Variants in UBA6 observed in about 807,000 individuals in gnomAD.
UBA6 encodes the protein ubiquitin like modifier activating enzyme 6.
A neutral mutation model predicts 148.3 loss-of-function variants in UBA6; 87 were observed. The observed-to-expected ratio is 0.59, with a 90% CI of 0.49 to 0.70. UBA6 has a LOEUF of 0.70. Among genes scored for constraint, UBA6 ranks in the 30% least tolerant of loss-of-function variants. The pLI is 0.00. For synonymous variants in UBA6, 376 were observed against 401.0 expected, an observed-to-expected ratio of 0.94 and a Z score of 0.75; for missense variants, 1,186 against 1,241.2, an observed-to-expected ratio of 0.96 and a Z score of 0.67.
At chr4:67,646,850 A>C (rs1303064933) in intron 14 of UBA6, 59 bp from the exon 15 acceptor site, 1 of 1,095,018 alleles carries the variant, frequency 9.1e-7, no homozygotes, top group African/African-American at 1.7e-5. Flanking sequence ...CTATAAAAAG[A>C]AGCTCCTTTA....
chr4:67,694,141 A>G (rs1207991516), intron 2 of UBA6, among the ~76,000 whole-genome samples: 1 of 138,054 alleles, frequency 7.2e-6, no homozygotes, highest in Non-Finnish European at 1.5e-5. Context: ...GCTTGAACCC[A>G]AGAGGCGGAG....
chr4:67,663,517 G>C (rs1729915515), intron 11 of UBA6: 1 of 348,238 alleles, frequency 2.9e-6, no homozygotes, highest in African/African-American at 2.1e-5. Flanking sequence ...AAAAAAAATA[G>C]AATACATACT....
In UBA6 at chr4:67,648,666, G is replaced by A. The variant is rs191838155; in HGVS notation, c.1248+402C>T. On this transcript the variant is annotated intron_variant, in intron 14 of 32. Transcript: ENST00000322244. ...ACTCTAAAACCTGTACCACTCCCAT[G>A]TTTTCCACTTTTGTAAGTTTATACC... 2.0e-4 allele frequency among the ~76,000 whole-genome samples: 31 copies of A among 151,920 alleles called. No individual in the cohort carries two copies. The East Asian group carries it at 4.5e-3, about 22-fold the overall frequency.
Position 67,637,301 on chromosome 4 carries a change from G to A in UBA6, c.1736+1642C>T, listed in dbSNP as rs575160723. 4.9e-3 allele frequency among the ~76,000 whole-genome samples: 740 copies of A among 149,628 alleles called. 7 individuals carry two copies. The highest frequency in any genetic ancestry group is 0.017 in the African/African-American group (695 of 40,580). On this transcript the variant is annotated intron_variant, in intron 19 of 32. Coordinates refer to ENST00000322244, the MANE Select transcript of UBA6 (RefSeq NM_018227.6). ...CAGCCCCTGCCCGGCCAGCCGCCCC[G>A]TCCGGGAGGGAGGTGGGGGCCAGCC...
At position 67,633,462 on chromosome 4, in the gene UBA6, A is replaced by G. The variant is rs1729049255; in HGVS notation, c.2025T>C (p.Ser675=). The change falls in exon 23 of 33, where the codon AGT becomes AGC. Residue 675 remains serine, a synonymous_variant. Transcript: ENST00000322244. ...GAAAACAGCCTTCTAAACTGTGTCC[A>G]CTCTGTATCTTCTAGAATGGGAGAG... ...SAEEVLQKIQ[S]GHSLEGCFQV... 8 of 1,595,566 alleles carry G rather than the reference A, an allele frequency of 5.0e-6. No individual in the cohort carries two copies. In the East Asian group the frequency reaches 1.8e-4, roughly 36 times the overall value.
At chr4:67,644,880 A>G (rs1577804737) in intron 16 of UBA6, 102 bp from the exon 17 acceptor site, 2 of 336,812 alleles carry the variant, frequency 5.9e-6, no homozygotes. Flanking sequence ...TGTTTCAACG[A>G]AAAAAAAAAG....
chr4:67,701,150 G>A lies in UBA6; in HGVS notation c.-31C>T. On this transcript the variant is annotated 5_prime_UTR_variant, in exon 1 of 33. Transcript: ENST00000322244. ...CCTGAGACACCGCCGCCGGCTACTG[G>A]AAGGTAGGAAGGGGCGGGACCGTGG... 1.9e-6 allele frequency: 3 copies of A among 1,598,620 alleles called. No individual in the cohort carries two copies. Among genetic ancestry groups the A allele is most frequent in the East Asian group, 2.3e-5 (1 of 44,102 alleles).
chr4:67,625,487 T>C (rs1728847099), intron 28 of UBA6, among the ~76,000 whole-genome samples: 1 of 151,746 alleles, frequency 6.6e-6, no homozygotes. Context: ...AATAAGAAAG[T>C]TGTGTACTGC....
In UBA6 at chr4:67,701,076, G is replaced by A. The variant is rs745986200; in HGVS notation, c.44C>T (p.Ala15Val). The part of the protein sequence containing the change: ...EPVAAHQGEE[A>V]SCSSWGTGST... ...GCCAGTCCCCCAGGAAGAACAGGAC[G>A]CCTCTTCCCCCTGATGGGCGGCCAC... The change falls in exon 1 of 33, where the codon GCG (alanine) becomes GTG (valine). Residue 15 changes from alanine to valine, a missense_variant. Physicochemically the swap from Ala to Val is moderately conservative, Grantham distance 64. Coordinates refer to ENST00000322244, the MANE Select transcript of UBA6 (RefSeq NM_018227.6). 19 of 1,613,750 alleles carry A rather than the reference G, an allele frequency of 1.2e-5. No individual in the cohort carries two copies. The highest frequency in any genetic ancestry group is 1.5e-5 in the Non-Finnish European group (18 of 1,179,796).
In UBA6 at chr4:67,629,125, G is replaced by A; in HGVS notation, c.2346C>T (p.Ala782=). 3.1e-6 allele frequency: 5 copies of A among 1,608,082 alleles called. No homozygotes were observed. The highest frequency in any genetic ancestry group is 2.2e-5 in the East Asian group (1 of 44,686). Residue 782 remains alanine (A), a synonymous_variant, in exon 27 of 33, where the codon GCC becomes GCT. Transcript: ENST00000322244. ...TTACTTCTGAAAGAATATTCAAGAG[G>A]GCATCTGCTGATAAGTCCTGTTTTT... The part of the protein sequence containing the change: ...PFAEEDLSAD[A]LLNILSEVKI...
At chr4:67,648,411 T>C (rs1163602814) in intron 14 of UBA6, among the ~76,000 whole-genome samples, 1 of 146,506 alleles carries the variant, frequency 6.8e-6, no homozygotes, top group African/African-American at 2.6e-5. Context: ...GAGGTTGCAG[T>C]GAGCTAACAT....
At chr4:67,639,273 G>A in intron 18 of UBA6, 149 bp from the exon 19 acceptor site, 1 of 555,394 alleles carries the variant, frequency 1.8e-6, no homozygotes, top group Non-Finnish European at 3.0e-6. Flanking sequence ...TTTCATTTTT[G>A]GCTTGTAGAA....
intron 28 of UBA6, among the ~76,000 whole-genome samples, chr4:67,626,110 A>G (rs557525737): frequency 7.9e-5 from 12 of 152,102 alleles, no homozygotes; most frequent in African/African-American, 2.9e-4. Context: ...CAATCAGAAA[A>G]ACAACAACAA....
intron 9 of UBA6, among the ~76,000 whole-genome samples, chr4:67,666,918 C>A (rs567423094): frequency 2.6e-5 from 4 of 151,940 alleles, no homozygotes; most frequent in Non-Finnish European, 4.4e-5. Flanking sequence ...AAAAACAAAA[C>A]AACATTTTTT....
chr4:67,644,196 G>A (rs1729367736), intron 17 of UBA6, among the ~76,000 whole-genome samples: 1 of 151,930 alleles, frequency 6.6e-6, no homozygotes, highest in African/African-American at 2.4e-5. Flanking sequence ...TATATGACAT[G>A]GCTTGCAATT....
At chr4:67,683,526 A>G (rs893386241) in intron 2 of UBA6, among the ~76,000 whole-genome samples, 1 of 151,984 alleles carries the variant, frequency 6.6e-6, no homozygotes, top group African/African-American at 2.4e-5. Flanking sequence ...ATGCGGCCCA[A>G]TACAAATTCG....
chr4:67,630,494 G>A lies in UBA6; in HGVS notation c.2300C>T (p.Thr767Ile). The change falls in exon 26 of 33, where the codon ACA becomes ATA. Residue 767 changes from threonine (T) to isoleucine (I), a missense_variant. Coordinates refer to ENST00000322244, the MANE Select transcript of UBA6 (RefSeq NM_018227.6). ...FLQNAAKLYA[T>I]VYCIPFAEED... ...TTCTGCAAATGGAATACAATATACT[G>A]TAGCATATAGTTTTGCAGCATTCTG... 1.3e-6 allele frequency: 2 copies of A among 1,588,064 alleles called. No individual in the cohort carries two copies. Among genetic ancestry groups the A allele is most frequent in the Non-Finnish European group, 1.7e-6 (2 of 1,167,352 alleles).
chr4:67,673,411 G>T (rs1422973400), intron 7 of UBA6, among the ~76,000 whole-genome samples: 1 of 128,192 alleles, frequency 7.8e-6, no homozygotes, highest in Non-Finnish European at 1.6e-5. Flanking sequence ...ATGAGACTCT[G>T]TCTCGGGAAA....
At chr4:67,687,977 T>A (rs892548612) in intron 2 of UBA6, among the ~76,000 whole-genome samples, 1 of 152,126 alleles carries the variant, frequency 6.6e-6, no homozygotes, top group African/African-American at 2.4e-5. Context: ...AAGAAAAATA[T>A]CTGAGAAAGA....
Sources: gnomAD v4.1 joint callset for allele counts (sites outside exome capture counted in the v4.1 genomes callset) on GRCh38, gnomAD v4.1.1 for gene constraint, MANE v1.5 for transcripts, NCBI Gene and HGNC (gene_info 2026-07-23, HGNC 2026-07-21) for gene names.